The following GALNT5 variants were observed in gnomAD, a reference collection of about 807,000 sequenced individuals.
GALNT5 encodes the protein UDP-GalNAc:polypeptide N-acetylgalactosaminyltransferase 5.
A neutral mutation model predicts 85.4 loss-of-function variants in GALNT5; 72 were observed. The observed-to-expected ratio is 0.84, with a 90% CI of 0.70 to 1.03. The LOEUF is 1.03. GALNT5 is among the 50% of genes least tolerant of loss of function. The pLI, the probability that GALNT5 is intolerant of heterozygous loss-of-function variation, is 0.00. For synonymous variants in GALNT5, 404 were observed against 397.0 expected, an observed-to-expected ratio of 1.02 and a Z score of -0.21; for missense variants, 1,137 against 1,135.5, an observed-to-expected ratio of 1.00 and a Z score of -0.02.
intron 7 of GALNT5, among the ~76,000 whole-genome samples, chr2:157,305,412 A>G (rs1240386237): frequency 6.6e-6 from 1 of 152,226 alleles, no homozygotes; most frequent in African/African-American, 2.4e-5. Context: ...TAGTATATGC[A>G]TTAGATAAAC....
In GALNT5 at chr2:157,259,204, T is replaced by TA; in HGVS notation, c.1123dup (p.Arg375LysfsTer8). ...TGTCTTCCTCTTCACTTGCTCCACA[T>TA]AGAGTGCCACTGTCCCAAACTAACC... On this transcript the variant is annotated frameshift_variant, in exon 1 of 10. Transcript: ENST00000259056. LOFTEE classifies it high-confidence loss of function. 1.3e-6 allele frequency: 2 copies of TA among 1,576,464 alleles called. No individual in the cohort carries two copies. The highest frequency in any genetic ancestry group is 1.7e-6 in the Non-Finnish European group (2 of 1,166,164).
intron 8 of GALNT5, among the ~76,000 whole-genome samples, chr2:157,307,215 G>A (rs1263410002): frequency 6.6e-6 from 1 of 152,084 alleles, no homozygotes; most frequent in East Asian, 1.9e-4. Context: ...TTTAGCTTCT[G>A]CCTCTTGTGG....
rs777734457 is a variant in GALNT5, at chr2:157,258,509, AAG to A, written c.429_430del (p.Lys143AsnfsTer9). The A allele has an allele frequency of 1.2e-6, 2 of 1,611,246 alleles. No individual in the cohort carries two copies. Among genetic ancestry groups the A allele is most frequent in the African/African-American group, 2.7e-5 (2 of 74,244 alleles). Reference sequence around the variant, plus strand: ...CCTCCCTGTGACTCCTAACAAGCAGAAGACAGACGGGAGAGGCACCAAACCTG... The same window carrying A: ...CCTCCCTGTGACTCCTAACAAGCAGAACAGACGGGAGAGGCACCAAACCTG... The part of the protein sequence containing the change: ...QTLPVTPNKQ[K>X]TDGRGTKPEA... On this transcript the variant is annotated frameshift_variant, in exon 1 of 10. Coordinates refer to ENST00000259056, the MANE Select transcript of GALNT5 (RefSeq NM_014568.3). LOFTEE classifies it high-confidence loss of function.
In GALNT5 at chr2:157,298,181, G is replaced by T. The variant is rs557854374; in HGVS notation, c.1998-1367G>T. Among the ~76,000 whole-genome samples, 12 of 152,250 alleles carry T rather than the reference G, an allele frequency of 7.9e-5. No individual in the cohort carries two copies. The East Asian group carries it at 1.2e-3, about 15-fold the overall frequency. ...GCCGACTTCCTAAAGCTGAATCAAGGAAAAACACCAAGGTCTGGGGGCAGG... is the reference window on the plus strand; with the variant it reads ...GCCGACTTCCTAAAGCTGAATCAAGTAAAAACACCAAGGTCTGGGGGCAGG... On this transcript the variant is annotated intron_variant, in intron 5 of 9. Transcript: ENST00000259056.
In GALNT5 at chr2:157,257,914, G is replaced by T; in HGVS notation, c.-169G>T. 1.5e-6 allele frequency: 1 copy of T among 669,220 alleles called. No individual in the cohort carries two copies. Among genetic ancestry groups the T allele is most frequent in the Non-Finnish European group, 2.6e-6 (1 of 387,210 alleles). 41.5% of individuals were successfully genotyped at this position (669,220 alleles called of 1,614,324 possible). ...CCACGCAGGCAGAGACTGACAAGCGGTAGGAACTGAGCTTTCCCCTTGGAC... is the reference window on the plus strand; with the variant it reads ...CCACGCAGGCAGAGACTGACAAGCGTTAGGAACTGAGCTTTCCCCTTGGAC... On this transcript the variant is annotated 5_prime_UTR_variant, in exon 1 of 10. Coordinates refer to ENST00000259056, the MANE Select transcript of GALNT5 (RefSeq NM_014568.3).
intron 6 of GALNT5, among the ~76,000 whole-genome samples, chr2:157,300,421 T>A (rs1168287736): frequency 1.3e-5 from 2 of 152,192 alleles, no homozygotes; most frequent in Admixed American, 6.5e-5. Context: ...TCTGTGAAGA[T>A]TTATTTACAA....
chr2:157,274,131 A>C (rs548637748), intron 1 of GALNT5, among the ~76,000 whole-genome samples: 1 of 152,130 alleles, frequency 6.6e-6, no homozygotes, highest in South Asian at 2.1e-4. Flanking sequence ...AGCTTCATCC[A>C]TGTACCTACA....
chr2:157,317,382 T>G lies in GALNT5; in HGVS notation c.*6034T>G, dbSNP rs528380316. Among the ~76,000 whole-genome samples, 37 of 152,128 alleles carry G rather than the reference T, an allele frequency of 2.4e-4. No individual in the cohort carries two copies. The highest frequency in any genetic ancestry group is 8.5e-4 in the Admixed American group (13 of 15,278). Reference sequence around the variant, plus strand: ...CACTCTGGATACCATTTTCCAAACTTGAAGGAGTAATCAAGTTCTTAATTA... The same window carrying G: ...CACTCTGGATACCATTTTCCAAACTGGAAGGAGTAATCAAGTTCTTAATTA... On this transcript the variant is annotated 3_prime_UTR_variant, in exon 10 of 10. Transcript: ENST00000259056.
chr2:157,305,546 CA>C (rs1683437244), intron 7 of GALNT5, among the ~76,000 whole-genome samples: 1 of 152,164 alleles, frequency 6.6e-6, no homozygotes, highest in Non-Finnish European at 1.5e-5. Context: ...CCAAAATTAA[CA>C]GATTGAAGCT....
intron 2 of GALNT5, among the ~76,000 whole-genome samples, chr2:157,285,245 G>A (rs1411345322): frequency 6.6e-6 from 1 of 152,202 alleles, no homozygotes; most frequent in Non-Finnish European, 1.5e-5. Context: ...GGATGATAGA[G>A]AAAAACTGGC....
At chr2:157,290,901 T>C (rs1399922396) in intron 3 of GALNT5, among the ~76,000 whole-genome samples, 2 of 152,108 alleles carry the variant, frequency 1.3e-5, no homozygotes, top group African/African-American at 4.8e-5. Context: ...CCATTAGCAA[T>C]GTCTACTATG....
At chr2:157,298,573 G>C (rs1683267118) in intron 5 of GALNT5, among the ~76,000 whole-genome samples, 1 of 152,194 alleles carries the variant, frequency 6.6e-6, no homozygotes, top group Non-Finnish European at 1.5e-5. Context: ...AGAAAACTTG[G>C]TAACCCGGCC....
intron 7 of GALNT5, 61 bp from the exon 8 acceptor site, chr2:157,305,688 C>T: frequency 1.1e-6 from 1 of 927,850 alleles, no homozygotes; most frequent in Non-Finnish European, 1.8e-6. Context: ...CTAAATGTGT[C>T]TGAATGTCTT....
chr2:157,276,904 T>C (rs958358278), intron 1 of GALNT5, among the ~76,000 whole-genome samples: 4 of 152,160 alleles, frequency 2.6e-5, no homozygotes, highest in Non-Finnish European at 4.4e-5. Flanking sequence ...TTCTTTTAAT[T>C]TGTGATGTTA....
chr2:157,300,093 G>A (rs1386369137), intron 6 of GALNT5, among the ~76,000 whole-genome samples: 1 of 152,184 alleles, frequency 6.6e-6, no homozygotes, highest in Non-Finnish European at 1.5e-5. Context: ...CAGGTCAGGT[G>A]TGCCTTATAG....
intron 1 of GALNT5, among the ~76,000 whole-genome samples, chr2:157,280,660 T>C (rs1248091136): frequency 2.0e-5 from 3 of 152,200 alleles, no homozygotes; most frequent in East Asian, 3.9e-4. Context: ...ATCCAAGGAA[T>C]AGCCAAGTGA....
At chr2:157,273,507 T>C (rs1682640768) in intron 1 of GALNT5, among the ~76,000 whole-genome samples, 1 of 151,804 alleles carries the variant, frequency 6.6e-6, no homozygotes, top group African/African-American at 2.4e-5. Flanking sequence ...TAAAAGAAGC[T>C]TCAAATTTAG....
At chr2:157,283,454 T>C (rs1682898340) in intron 1 of GALNT5, among the ~76,000 whole-genome samples, 1 of 152,180 alleles carries the variant, frequency 6.6e-6, no homozygotes, top group Admixed American at 6.5e-5. Context: ...CCCACCTGAA[T>C]ACTAACTCCC....
intron 1 of GALNT5, among the ~76,000 whole-genome samples, chr2:157,273,346 T>C (rs931871490): frequency 6.6e-6 from 1 of 152,224 alleles, no homozygotes; most frequent in African/African-American, 2.4e-5. Context: ...ACCAATTTTT[T>C]AGTACTTCTT....
Sources: gnomAD v4.1 joint callset for allele counts (sites outside exome capture counted in the v4.1 genomes callset) on GRCh38, gnomAD v4.1.1 for gene constraint, MANE v1.5 for transcripts, NCBI Gene and HGNC (gene_info 2026-07-23, HGNC 2026-07-21) for gene names.